The following GALNT7 variants were observed in gnomAD, a reference collection of about 807,000 sequenced individuals.
GALNT7 encodes N-acetylgalactosaminyltransferase 7.
GALNT7 carries 60 observed loss-of-function variants against 82.1 expected under a neutral mutation model. That is an observed-to-expected ratio of 0.73 (90% CI 0.59 to 0.91). GALNT7 has a LOEUF of 0.91. GALNT7 is among the 40% of genes least tolerant of loss of function. The probability of loss-of-function intolerance (pLI) is 0.00; values close to 1 mark genes in which losing one functional copy is unlikely to be tolerated. For synonymous variants in GALNT7, 243 were observed against 275.1 expected (o/e 0.88, Z 1.15); for missense variants, 660 against 804.2 (o/e 0.82, Z 2.17).
chr4:173,263,283 G>A (rs1348429910), intron 2 of GALNT7, among the ~76,000 whole-genome samples: 1 of 152,132 alleles, frequency 6.6e-6, no homozygotes, highest in Non-Finnish European at 1.5e-5. Flanking sequence ...CTTCCAGTTT[G>A]ATTATTGACA....
At chr4:173,208,459 T>TA in intron 1 of GALNT7, among the ~76,000 whole-genome samples, 1 of 152,326 alleles carries the variant, frequency 6.6e-6, no homozygotes, top group South Asian at 2.1e-4. Context: ...TGTACTCCAT[T>TA]ATCATTCAGC....
At chr4:173,297,323 T>G (rs1457784271) in intron 5 of GALNT7, among the ~76,000 whole-genome samples, 1 of 152,062 alleles carries the variant, frequency 6.6e-6, no homozygotes, top group East Asian at 1.9e-4. Flanking sequence ...AGAAACACAT[T>G]TTCATAACTG....
Position 173,292,073 on chromosome 4 carries a change from C to T in GALNT7, c.588-35C>T, listed in dbSNP as rs899174012. 5 of 1,462,722 alleles carry T rather than the reference C, an allele frequency of 3.4e-6. No individual in the cohort carries two copies. Among genetic ancestry groups the T allele is most frequent in the Non-Finnish European group, 4.8e-6 (5 of 1,047,800 alleles). The allele number at this position is 1,462,722 out of a possible 1,614,324, so 90.6% of individuals were successfully genotyped here. On this transcript the variant is annotated intron_variant, in intron 2 of 11. Transcript: ENST00000265000. The surrounding 1 kb of genome is among the most constrained non-coding windows in gnomAD (Gnocchi z 4.8). ...CTTGGAGCCAAGCAGTATAGATTAC[C>T]TGTAAATAAATATGATGAAATTTTC...
chr4:173,219,811 T>C (rs1733586990), intron 1 of GALNT7, among the ~76,000 whole-genome samples: 1 of 152,180 alleles, frequency 6.6e-6, no homozygotes, highest in African/African-American at 2.4e-5. Flanking sequence ...TGTCTGTTCG[T>C]TTCCTTAGCC....
In GALNT7 at chr4:173,302,002, TG is replaced by T. The variant is rs34018703; in HGVS notation, c.1149-40del. Reference sequence around the variant, plus strand: ...TTCTTGCCTATTGGTGAAGGGTTATTGGGGGTTTGTCTGTAATGGTTATTGC... The same window carrying T: ...TTCTTGCCTATTGGTGAAGGGTTATTGGGGTTTGTCTGTAATGGTTATTGC... On this transcript the variant is annotated intron_variant, in intron 6 of 11. Transcript: ENST00000265000. The surrounding 1 kb of genome is among the most constrained non-coding windows in gnomAD (Gnocchi z 4.2). 1.1e-6 allele frequency: 1 copy of T among 884,672 alleles called. No homozygotes were observed. The highest frequency in any genetic ancestry group is 1.4e-5 in the South Asian group (1 of 73,932). The allele number at this position is 884,672 out of a possible 1,614,324, so 54.8% of individuals were successfully genotyped here.
At chr4:173,173,455 G>C (rs1731942076) in intron 1 of GALNT7, among the ~76,000 whole-genome samples, 1 of 152,194 alleles carries the variant, frequency 6.6e-6, no homozygotes, top group African/African-American at 2.4e-5. Flanking sequence ...AATGTTGACA[G>C]ATCCATTAAA....
At chr4:173,177,686 G>T (rs1732093550) in intron 1 of GALNT7, among the ~76,000 whole-genome samples, 1 of 152,126 alleles carries the variant, frequency 6.6e-6, no homozygotes, top group Non-Finnish European at 1.5e-5. Context: ...AAATGTTTGA[G>T]AACTGATTAG....
chr4:173,314,853 G>A (rs1199549143), intron 9 of GALNT7, among the ~76,000 whole-genome samples: 5 of 152,262 alleles, frequency 3.3e-5, no homozygotes, highest in South Asian at 2.1e-4. Flanking sequence ...TGCCATGAAC[G>A]TTCAAGTCTA....
At chr4:173,250,907 T>A (rs1280251303) in intron 2 of GALNT7, among the ~76,000 whole-genome samples, 2 of 152,180 alleles carry the variant, frequency 1.3e-5, no homozygotes, top group African/African-American at 4.8e-5. Context: ...CTCCTTCCCA[T>A]CCTTTAGGCC....
intron 1 of GALNT7, among the ~76,000 whole-genome samples, chr4:173,215,685 AG>A (rs1188829553): frequency 3.9e-5 from 6 of 152,234 alleles, no homozygotes; most frequent in Non-Finnish European, 8.8e-5. Flanking sequence ...AATCCTTTCA[AG>A]GAGCATTCTG....
chr4:173,245,584 G>A (rs1330310139), intron 1 of GALNT7, among the ~76,000 whole-genome samples: 1 of 152,136 alleles, frequency 6.6e-6, no homozygotes, highest in African/African-American at 2.4e-5. Flanking sequence ...GGAGGAGAAT[G>A]TCTTTCTCCT....
At chr4:173,207,724 G>A (rs1267596797) in intron 1 of GALNT7, among the ~76,000 whole-genome samples, 3 of 152,042 alleles carry the variant, frequency 2.0e-5, no homozygotes, top group African/African-American at 7.2e-5. Context: ...TGATCCACAG[G>A]GTCATGATTT....
intron 2 of GALNT7, among the ~76,000 whole-genome samples, chr4:173,255,837 G>A (rs969245036): frequency 1.2e-4 from 18 of 152,162 alleles, no homozygotes; most frequent in Admixed American, 2.0e-4. Context: ...CGGAACACAC[G>A]CCCCTTTCCC....
At chr4:173,313,570 CAAAAAAA>C (rs957463269) in intron 8 of GALNT7, among the ~76,000 whole-genome samples, 2 of 62,382 alleles carry the variant, frequency 3.2e-5, no homozygotes, top group South Asian at 4.7e-4. Flanking sequence ...GACCCCATCA[CAAAAAAA>C]AAAAAAAAAG....
intron 1 of GALNT7, among the ~76,000 whole-genome samples, chr4:173,221,474 T>C (rs1733642593): frequency 1.3e-5 from 2 of 152,196 alleles, no homozygotes; most frequent in African/African-American, 4.8e-5. Context: ...ATTAATCATA[T>C]TAGGTCAGAG....
chr4:173,179,583 A>G (rs1732181800), intron 1 of GALNT7, among the ~76,000 whole-genome samples: 2 of 152,230 alleles, frequency 1.3e-5, no homozygotes, highest in South Asian at 4.1e-4. Context: ...CCTTGATTTA[A>G]AACCAACCCA....
chr4:173,297,126 C>T (rs1016798234), intron 5 of GALNT7, among the ~76,000 whole-genome samples: 2 of 151,858 alleles, frequency 1.3e-5, no homozygotes, highest in Non-Finnish European at 1.5e-5. Flanking sequence ...CTAGCATTTT[C>T]GTGAAGCCCA....
intron 1 of GALNT7, among the ~76,000 whole-genome samples, chr4:173,207,352 G>A (rs1439148386): frequency 1.3e-5 from 2 of 152,110 alleles, no homozygotes; most frequent in Non-Finnish European, 2.9e-5. Context: ...AAGACAACTT[G>A]CTAAATTTAG....
At position 173,323,841 on chromosome 4, in the gene GALNT7, ATGTT is replaced by A. The variant is rs1737910661; in HGVS notation, c.*2126_*2129del. The A allele has an allele frequency of 1.3e-5, 2 of 152,594 alleles. No individual in the cohort carries two copies. The highest frequency in any genetic ancestry group is 4.1e-4 in the South Asian group (2 of 4,830). The allele number at this position is 152,594 out of a possible 1,614,324, so 9.5% of individuals were successfully genotyped here. On this transcript the variant is annotated 3_prime_UTR_variant, in exon 12 of 12. Coordinates refer to ENST00000265000, the MANE Select transcript of GALNT7 (RefSeq NM_017423.3). ...ATTTATGCAGATTTTGATACACTGTATGTTTCTGTAGAAATTGTATAAATATTCA... is the reference window on the plus strand; with the variant it reads ...ATTTATGCAGATTTTGATACACTGTATCTGTAGAAATTGTATAAATATTCA...
Sources: gnomAD v4.1 joint callset for allele counts (sites outside exome capture counted in the v4.1 genomes callset) on GRCh38, gnomAD v4.1.1 for gene constraint, Gnocchi (gnomAD v3.1) non-coding constraint, MANE v1.5 for transcripts, NCBI Gene and HGNC (gene_info 2026-07-23, HGNC 2026-07-21) for gene names.